Variants in TRPC4 observed in about 807,000 individuals in gnomAD.
TRPC4 encodes the protein short transient receptor potential channel 4.
TRPC4 carries 49 observed loss-of-function variants against 99.4 expected under a neutral mutation model. The ratio of observed to expected loss-of-function variants is 0.49; its 90% CI spans 0.39 to 0.63. TRPC4 has a LOEUF of 0.63. TRPC4 is among the 20% of genes least tolerant of loss of function. The probability of loss-of-function intolerance (pLI) is 0.00; values close to 1 mark genes in which losing one functional copy is unlikely to be tolerated. For synonymous variants in TRPC4, 454 were observed against 425.9 expected, an observed-to-expected ratio of 1.07 and a Z score of -0.81; for missense variants, 898 against 1,152.9, an observed-to-expected ratio of 0.78 and a Z score of 3.20.
At chr13:37,724,078 T>G (rs1287796023) in intron 3 of TRPC4, among the ~76,000 whole-genome samples, 1 of 152,140 alleles carries the variant, frequency 6.6e-6, no homozygotes, top group Non-Finnish European at 1.5e-5. Context: ...TAATGATTCA[T>G]TCATTATTTA....
chr13:37,682,516 A>T (rs753772584), intron 4 of TRPC4, among the ~76,000 whole-genome samples: 36 of 152,182 alleles, frequency 2.4e-4, no homozygotes, highest in Middle Eastern at 3.2e-3. Flanking sequence ...CAGTATACTT[A>T]AAACTCAAAC....
chr13:37,837,755 T>C (rs1958605649), intron 1 of TRPC4, among the ~76,000 whole-genome samples: 1 of 152,150 alleles, frequency 6.6e-6, no homozygotes, highest in South Asian at 2.1e-4. Flanking sequence ...GGGGGACTGT[T>C]GGGAAGGCAT....
chr13:37,651,776 T>A (rs576267132), intron 7 of TRPC4, among the ~76,000 whole-genome samples: 1 of 152,332 alleles, frequency 6.6e-6, no homozygotes, highest in South Asian at 2.1e-4. Flanking sequence ...CACTGTAGAC[T>A]CATGTTAGTG....
intron 2 of TRPC4, among the ~76,000 whole-genome samples, chr13:37,754,319 T>C (rs2139207074): frequency 6.6e-6 from 1 of 152,216 alleles, no homozygotes; most frequent in Admixed American, 6.5e-5. Flanking sequence ...ATAAAATAAA[T>C]AGGTCATTGT....
At chr13:37,684,759 T>C (rs970683447) in intron 4 of TRPC4, among the ~76,000 whole-genome samples, 1 of 151,010 alleles carries the variant, frequency 6.6e-6, no homozygotes, top group Non-Finnish European at 1.5e-5. Context: ...CACAAAGAAA[T>C]ATATTTATTT....
At chr13:37,820,523 G>A (rs1481034474) in intron 1 of TRPC4, among the ~76,000 whole-genome samples, 2 of 151,948 alleles carry the variant, frequency 1.3e-5, no homozygotes, top group African/African-American at 4.8e-5. Flanking sequence ...GTCAAATATA[G>A]ATGCAAAAAT....
chr13:37,655,008 G>A (rs954812327), intron 7 of TRPC4, 80 bp downstream of exon 7: 16 of 1,097,554 alleles, frequency 1.5e-5, no homozygotes, highest in African/African-American at 4.9e-5. Flanking sequence ...TTTTATTTAC[G>A]ATGATAAGAA....
At chr13:37,657,527 G>A (rs1952277840) in intron 6 of TRPC4, among the ~76,000 whole-genome samples, 1 of 152,162 alleles carries the variant, frequency 6.6e-6, no homozygotes, top group Non-Finnish European at 1.5e-5. Flanking sequence ...AATAGTTTAT[G>A]TTCTCACTGT....
chr13:37,745,475 C>CGTATATATATATATATAT (rs1566138437), intron 3 of TRPC4, among the ~76,000 whole-genome samples: 5 of 7,834 alleles, frequency 6.4e-4, no homozygotes, highest in Admixed American at 2.0e-3. Flanking sequence ...TATATATATA[C>CGTATATATATATATATAT]ACACACACAC....
At chr13:37,672,874 T>G (rs1183817913) in intron 5 of TRPC4, among the ~76,000 whole-genome samples, 2 of 152,218 alleles carry the variant, frequency 1.3e-5, no homozygotes, top group Non-Finnish European at 2.9e-5. Flanking sequence ...TGATAGAAAT[T>G]GCTTTCCCCT....
intron 3 of TRPC4, among the ~76,000 whole-genome samples, chr13:37,729,346 T>C (rs917443348): frequency 2.0e-5 from 3 of 152,012 alleles, no homozygotes; most frequent in Non-Finnish European, 2.9e-5. Flanking sequence ...TAGGTGAGGA[T>C]GTGGAGAAAT....
rs546053034 is a variant in TRPC4 at position 37,658,299 on chromosome 13, G to A, written c.1689-3016C>T. On this transcript the variant is annotated intron_variant, in intron 6 of 10. Transcript: ENST00000379705. ...CTAACAGTCTGTATGGGTGGACTTA[G>A]GTCCTGCCTTCCTAATGATAGCATT... Among the ~76,000 whole-genome samples the A allele has an allele frequency of 2.3e-4, 35 of 152,266 alleles. No individual in the cohort carries two copies. In the East Asian group the frequency reaches 5.6e-3, roughly 24 times the overall value.
intron 1 of TRPC4, among the ~76,000 whole-genome samples, chr13:37,855,173 G>A (rs1593325430): frequency 2.0e-5 from 3 of 151,384 alleles, no homozygotes; most frequent in African/African-American, 7.3e-5. Context: ...TTTTAAAAAA[G>A]CAAGCAGGAG....
At chr13:37,684,635 G>A (rs1953396771) in intron 4 of TRPC4, among the ~76,000 whole-genome samples, 1 of 152,002 alleles carries the variant, frequency 6.6e-6, no homozygotes, top group African/African-American at 2.4e-5. Flanking sequence ...TTTTCAATAA[G>A]CAGCAGAAGT....
intron 1 of TRPC4, among the ~76,000 whole-genome samples, chr13:37,785,418 A>T (rs1286497983): frequency 6.6e-6 from 1 of 152,106 alleles, no homozygotes; most frequent in African/African-American, 2.4e-5. Context: ...ATTTATATTC[A>T]ATTTCAGCAT....
rs919374773 is a variant in TRPC4, at chr13:37,634,719, A to G, written c.*2184T>C. 6.6e-6 allele frequency among the ~76,000 whole-genome samples: 1 copy of G among 152,120 alleles called. No homozygotes were observed. Among genetic ancestry groups the G allele is most frequent in the African/African-American group, 2.4e-5 (1 of 41,440 alleles). ...AAAATAAAACAACAACGCACAAGAG[A>G]GGCAAAAAGAAATTAATAGAAAATA... is the stretch of plus-strand genomic sequence containing the variant. On this transcript the variant is annotated 3_prime_UTR_variant, in exon 11 of 11. Transcript: ENST00000379705.
chr13:37,855,719 A>G (rs192565557), intron 1 of TRPC4, among the ~76,000 whole-genome samples: 1 of 152,056 alleles, frequency 6.6e-6, no homozygotes, highest in Non-Finnish European at 1.5e-5. Context: ...ACAAATCAAT[A>G]ACAGGAGGAA....
At chr13:37,756,217 A>G (rs1028216688) in intron 2 of TRPC4, among the ~76,000 whole-genome samples, 2 of 152,194 alleles carry the variant, frequency 1.3e-5, no homozygotes, top group African/African-American at 4.8e-5. Context: ...CAAACTACTT[A>G]TACAAAAGCA....
chr13:37,726,289 A>G (rs1435898520), intron 3 of TRPC4, among the ~76,000 whole-genome samples: 1 of 152,170 alleles, frequency 6.6e-6, no homozygotes, highest in Non-Finnish European at 1.5e-5. Flanking sequence ...CATTTTAAAA[A>G]TCATTAGATT....
Sources: gnomAD v4.1 joint callset for allele counts (sites outside exome capture counted in the v4.1 genomes callset) on GRCh38, gnomAD v4.1.1 for gene constraint, MANE v1.5 for transcripts, NCBI Gene and HGNC (gene_info 2026-07-23, HGNC 2026-07-21) for gene names.